The following GRK3 variants were observed in gnomAD, a reference collection of about 807,000 sequenced individuals.
GRK3 encodes the protein adrenergic, beta, receptor kinase 2.
In GRK3, 54 loss-of-function variants were observed where a neutral mutation model predicts 95.7. That is an observed-to-expected ratio of 0.56 (90% CI 0.45 to 0.71). The LOEUF (loss-of-function observed/expected upper bound fraction) is 0.71, where lower values mean the gene tolerates loss of function less well. Among genes scored for constraint, GRK3 ranks in the 30% least tolerant of loss-of-function variants. The pLI is 0.00. For missense variants in GRK3, 649 were observed against 851.2 expected (o/e 0.76, Z 2.96); for synonymous variants, 281 against 290.8 (o/e 0.97, Z 0.34).
intron 2 of GRK3, among the ~76,000 whole-genome samples, chr22:25,608,811 C>G (rs2084472728): frequency 6.6e-6 from 1 of 152,192 alleles, no homozygotes; most frequent in African/African-American, 2.4e-5. Flanking sequence ...TCCAGTGGAA[C>G]CCACTCACAC....
At chr22:25,633,371 G>C (rs2084677647) in intron 2 of GRK3, among the ~76,000 whole-genome samples, 1 of 152,096 alleles carries the variant, frequency 6.6e-6, no homozygotes, top group African/African-American at 2.4e-5. Context: ...ATCATGTTAA[G>C]TGTATAGATT....
At chr22:25,581,791 G>A (rs112111477) in intron 1 of GRK3, among the ~76,000 whole-genome samples, 9 of 151,412 alleles carry the variant, frequency 5.9e-5, no homozygotes, top group African/African-American at 2.2e-4. Context: ...TCACGGCTCT[G>A]ATGTTTAAAT....
rs569291128 is a variant in GRK3, at chr22:25,588,635, C to G, written c.114-15742C>G. ...GTGGTTTGTGGAAAATACTTAGTAA[C>G]TACATATAAGGAAAGTAGTTTCATT... On this transcript the variant is annotated intron_variant, in intron 1 of 20. Transcript: ENST00000324198. Among the ~76,000 whole-genome samples the G allele has an allele frequency of 5.9e-5, 9 of 152,126 alleles. 1 individual carries two copies. In the South Asian group the frequency reaches 1.7e-3, roughly 28 times the overall value.
intron 10 of GRK3, among the ~76,000 whole-genome samples, chr22:25,687,264 G>A (rs1422185291): frequency 1.3e-5 from 2 of 152,120 alleles, no homozygotes; most frequent in Non-Finnish European, 2.9e-5. Flanking sequence ...CACCTTGTGA[G>A]AGCAGAACTA....
At chr22:25,673,798 C>A (rs570426562) in intron 7 of GRK3, among the ~76,000 whole-genome samples, 1 of 152,098 alleles carries the variant, frequency 6.6e-6, no homozygotes, top group Non-Finnish European at 1.5e-5. Flanking sequence ...TGGGGCATTA[C>A]TGAGATATTA....
At position 25,724,591 on chromosome 22, in the gene GRK3, A is replaced by C. The variant is rs959476218; in HGVS notation, c.*2141A>C. On this transcript the variant is annotated 3_prime_UTR_variant, in exon 21 of 21. Transcript: ENST00000324198. ...AAAGTGTAAACTTTTACACTTCCCC[A>C]ACTCACATTTGATTTGTAATGATAT... The C allele has an allele frequency of 1.3e-5, 2 of 152,178 alleles. No individual in the cohort carries two copies. Among genetic ancestry groups the C allele is most frequent in the African/African-American group, 4.8e-5 (2 of 41,428 alleles). 9.4% of individuals were successfully genotyped at this position (152,178 alleles called of 1,614,324 possible). A position where few individuals can be genotyped will look rare whatever the true frequency, so the allele number is the denominator to read the frequency against.
rs560907820 is a variant in GRK3, at chr22:25,577,869, G to A, written c.113+12716G>A. On this transcript the variant is annotated intron_variant, in intron 1 of 20. Transcript: ENST00000324198. ...AGACACCTAGAAATAAGTAAGATAT[G>A]GGCATAGTCTACTCTACGTAGAGCT... is the stretch of plus-strand genomic sequence containing the variant. Among the ~76,000 whole-genome samples the A allele has an allele frequency of 3.9e-5, 6 of 152,208 alleles. No homozygotes were observed. In the South Asian group the frequency reaches 6.2e-4, roughly 16 times the overall value.
intron 15 of GRK3, among the ~76,000 whole-genome samples, chr22:25,704,886 T>A (rs1465942949): frequency 6.6e-6 from 1 of 152,186 alleles, no homozygotes; most frequent in East Asian, 1.9e-4. Context: ...TAACACATGC[T>A]CACTATTCTC....
intron 17 of GRK3, among the ~76,000 whole-genome samples, chr22:25,712,716 T>C (rs191632032): frequency 1.9e-4 from 29 of 152,370 alleles, no homozygotes; most frequent in Admixed American, 1.7e-3. Context: ...TGCCAAGCTT[T>C]CTCTGAGGAT....
At chr22:25,604,254 G>A in intron 1 of GRK3, 123 bp from the exon 2 acceptor site, 3 of 635,796 alleles carry the variant, frequency 4.7e-6, no homozygotes, top group Non-Finnish European at 2.6e-6. Flanking sequence ...TCACGCAGTT[G>A]TGGCAAGAAG....
At chr22:25,684,776 C>G (rs150913722) in intron 9 of GRK3, among the ~76,000 whole-genome samples, 3,025 of 152,270 alleles carry the variant, frequency 0.02, 47 homozygotes, top group Non-Finnish European at 0.028. Flanking sequence ...TGTTGTGTCT[C>G]TATGCATTTT....
intron 1 of GRK3, among the ~76,000 whole-genome samples, chr22:25,567,763 C>G (rs570708162): frequency 6.6e-6 from 1 of 152,266 alleles, no homozygotes; most frequent in South Asian, 2.1e-4. Context: ...AGTCACTATT[C>G]TTTGTGCTTC....
rs2085485712 is a variant in GRK3 at position 25,727,724 on chromosome 22, A to C, written c.*5274A>C. The C allele has an allele frequency of 6.6e-6, 1 of 152,224 alleles. No individual in the cohort carries two copies. Among genetic ancestry groups the C allele is most frequent in the Non-Finnish European group, 1.5e-5 (1 of 68,036 alleles). The allele number at this position is 152,224 out of a possible 1,614,324, so 9.4% of individuals were successfully genotyped here. A position where few individuals can be genotyped will look rare whatever the true frequency, so the allele number is the denominator to read the frequency against. ...TCTGAAAACTGGTAACTATGCTTCC[A>C]TTTTTAATTTTGTCCTAAATATCAG... On this transcript the variant is annotated 3_prime_UTR_variant, in exon 21 of 21. Coordinates refer to ENST00000324198, the MANE Select transcript of GRK3 (RefSeq NM_005160.4).
chr22:25,685,871 T>C (rs2085109219), intron 10 of GRK3, among the ~76,000 whole-genome samples: 1 of 151,966 alleles, frequency 6.6e-6, no homozygotes, highest in Admixed American at 6.5e-5. Context: ...TGCCTAGTTT[T>C]TTTTTTTTTT....
intron 2 of GRK3, among the ~76,000 whole-genome samples, chr22:25,607,316 A>G (rs1332467618): frequency 6.6e-6 from 1 of 151,622 alleles, no homozygotes; most frequent in African/African-American, 2.4e-5. Flanking sequence ...GTACTCTAAT[A>G]CCGAGTTTAT....
chr22:25,576,251 A>G (rs898259258), intron 1 of GRK3, among the ~76,000 whole-genome samples: 3 of 152,098 alleles, frequency 2.0e-5, no homozygotes, highest in African/African-American at 7.2e-5. Flanking sequence ...GCACAGACCC[A>G]CAGTCGGATG....
At position 25,703,932 on chromosome 22, in the gene GRK3, A is replaced by G. The variant is rs113701888; in HGVS notation, c.1228-177A>G. On this transcript the variant is annotated intron_variant, in intron 14 of 20. Transcript: ENST00000324198. ...GTTCTTCTGATCTGCCCCCAGCCTC[A>G]TTGATTTTGCAACTGATTAGTTATC... Among the ~76,000 whole-genome samples the G allele has an allele frequency of 4.2e-3, 641 of 152,338 alleles. 11 individuals carry two copies. The highest frequency in any genetic ancestry group is 0.031 in the Middle Eastern group (9 of 292).
chr22:25,603,832 A>G (rs2084425655), intron 1 of GRK3, among the ~76,000 whole-genome samples: 1 of 152,244 alleles, frequency 6.6e-6, no homozygotes, highest in Admixed American at 6.5e-5. Flanking sequence ...ATATTTTGAA[A>G]GAATAATTTC....
chr22:25,700,606 G>C (rs1444501174), intron 13 of GRK3, among the ~76,000 whole-genome samples: 1 of 152,114 alleles, frequency 6.6e-6, no homozygotes, highest in African/African-American at 2.4e-5. Flanking sequence ...TATTTTATTT[G>C]AGACGGCGTC....
Sources: gnomAD v4.1 joint callset for allele counts (sites outside exome capture counted in the v4.1 genomes callset) on GRCh38, gnomAD v4.1.1 for gene constraint, MANE v1.5 for transcripts, NCBI Gene and HGNC (gene_info 2026-07-23, HGNC 2026-07-21) for gene names.